The following MCTP1 variants were observed in gnomAD, a reference collection of about 807,000 sequenced individuals.
The protein encoded by MCTP1 is multiple C2 and transmembrane domain-containing protein 1.
In MCTP1, 69 loss-of-function variants were observed where a neutral mutation model predicts 120.6. The observed-to-expected ratio is 0.57, with a 90% CI of 0.47 to 0.70. The LOEUF (loss-of-function observed/expected upper bound fraction) is 0.70, where lower values mean the gene tolerates loss of function less well. Among genes scored for constraint, MCTP1 ranks in the 30% least tolerant of loss-of-function variants. The pLI, the probability that MCTP1 is intolerant of heterozygous loss-of-function variation, is 0.00. For synonymous variants in MCTP1, 529 were observed against 493.1 expected, an observed-to-expected ratio of 1.07 and a Z score of -0.96; for missense variants, 1,203 against 1,248.8, an observed-to-expected ratio of 0.96 and a Z score of 0.55.
intron 19 of MCTP1, among the ~76,000 whole-genome samples, chr5:94,765,827 AG>A (rs1219507808): frequency 3.3e-5 from 5 of 151,234 alleles, no homozygotes; most frequent in African/African-American, 9.8e-5. Flanking sequence ...ACTAGCCAAG[AG>A]GGGGAAAAAA....
intron 1 of MCTP1, among the ~76,000 whole-genome samples, chr5:95,184,634 C>T (rs925623386): frequency 1.3e-5 from 2 of 152,160 alleles, no homozygotes; most frequent in African/African-American, 2.4e-5. Flanking sequence ...TCTGCCTTTA[C>T]AGGACTAACA....
intron 20 of MCTP1, among the ~76,000 whole-genome samples, chr5:94,713,216 C>T (rs935260014): frequency 2.0e-5 from 3 of 151,802 alleles, no homozygotes; most frequent in Admixed American, 2.0e-4. Context: ...AGGAGAATTT[C>T]TTTTTTTTAG....
At chr5:94,915,863 C>A (rs1279215637) in intron 8 of MCTP1, among the ~76,000 whole-genome samples, 1 of 152,048 alleles carries the variant, frequency 6.6e-6, no homozygotes, top group African/African-American at 2.4e-5. Flanking sequence ...TTACCTACTG[C>A]CATTAGTTGC....
intron 19 of MCTP1, among the ~76,000 whole-genome samples, chr5:94,716,623 C>G (rs926513956): frequency 1.3e-5 from 2 of 152,066 alleles, no homozygotes; most frequent in Admixed American, 6.6e-5. Flanking sequence ...TTGAAGCATG[C>G]TGGTTGTACA....
intron 1 of MCTP1, among the ~76,000 whole-genome samples, chr5:95,076,397 A>C (rs1366380860): frequency 6.6e-6 from 1 of 152,062 alleles, no homozygotes; most frequent in African/African-American, 2.4e-5. Flanking sequence ...TAAACTTAGA[A>C]GTAATTGTTT....
intron 1 of MCTP1, among the ~76,000 whole-genome samples, chr5:95,163,618 A>G (rs554283447): frequency 6.6e-6 from 1 of 152,340 alleles, no homozygotes; most frequent in East Asian, 1.9e-4. Flanking sequence ...GAAATTTTGT[A>G]TGATTTGCTA....
At chr5:94,896,928 C>A (rs1342402192) in intron 10 of MCTP1, among the ~76,000 whole-genome samples, 1 of 152,122 alleles carries the variant, frequency 6.6e-6, no homozygotes. Context: ...GCAGAGCCCA[C>A]CTGAACCTGG....
chr5:95,226,083 G>A (rs900721018), intron 1 of MCTP1, among the ~76,000 whole-genome samples: 2 of 151,790 alleles, frequency 1.3e-5, no homozygotes, highest in African/African-American at 2.4e-5. Context: ...TGAGATTTTG[G>A]TGCACCCATC....
At position 94,734,585 on chromosome 5, in the gene MCTP1, G is replaced by A. The variant is rs568318519; in HGVS notation, c.2611-19699C>T. Among the ~76,000 whole-genome samples, 17 of 152,104 alleles carry A rather than the reference G, an allele frequency of 1.1e-4. No homozygotes were observed. In the South Asian group the frequency reaches 3.5e-3, roughly 32 times the overall value. On this transcript the variant is annotated intron_variant, in intron 19 of 22. Transcript: ENST00000515393. The stretch of plus-strand genomic sequence containing the variant: ...TAATCCTCCCACTTCAGCCTCCCAA[G>A]TAGCTGGGACTATAGGCTGTGCCAC...
chr5:94,919,164 T>C (rs984752724), intron 7 of MCTP1, among the ~76,000 whole-genome samples: 4 of 152,208 alleles, frequency 2.6e-5, no homozygotes, highest in African/African-American at 9.6e-5. Flanking sequence ...AGGCGGGTGG[T>C]AATAACCCTA....
intron 2 of MCTP1, among the ~76,000 whole-genome samples, chr5:94,999,259 T>G (rs1833187615): frequency 6.6e-6 from 1 of 152,204 alleles, no homozygotes; most frequent in Non-Finnish European, 1.5e-5. Context: ...GAAGTCTTAA[T>G]ATGGAAAACC....
intron 2 of MCTP1, among the ~76,000 whole-genome samples, chr5:94,995,738 G>T (rs1832499611): frequency 6.6e-6 from 1 of 152,104 alleles, no homozygotes; most frequent in Non-Finnish European, 1.5e-5. Context: ...ATTTTGATTG[G>T]TTTTTGAGAT....
intron 1 of MCTP1, among the ~76,000 whole-genome samples, chr5:95,087,527 T>C (rs1755522873): frequency 6.6e-6 from 1 of 152,186 alleles, no homozygotes; most frequent in African/African-American, 2.4e-5. Flanking sequence ...TCTCTGGATT[T>C]TTTCAAGAAA....
chr5:94,903,048 G>T (rs1189673564), intron 10 of MCTP1, among the ~76,000 whole-genome samples: 3 of 152,020 alleles, frequency 2.0e-5, no homozygotes, highest in African/African-American at 7.2e-5. Flanking sequence ...ATTTTGTTTA[G>T]GTTGAGTTTA....
intron 17 of MCTP1, among the ~76,000 whole-genome samples, chr5:94,847,766 C>T (rs895421133): frequency 1.3e-4 from 19 of 151,430 alleles, no homozygotes; most frequent in African/African-American, 4.1e-4. Flanking sequence ...AAGTTCATCA[C>T]CCCTCAGTGT....
At chr5:94,768,426 C>G (rs1773302007) in intron 19 of MCTP1, among the ~76,000 whole-genome samples, 1 of 151,920 alleles carries the variant, frequency 6.6e-6, no homozygotes, top group Non-Finnish European at 1.5e-5. Context: ...GACTAAACAG[C>G]TTCTGCACAG....
At chr5:94,998,221 G>A (rs1434902068) in intron 2 of MCTP1, among the ~76,000 whole-genome samples, 1 of 152,146 alleles carries the variant, frequency 6.6e-6, no homozygotes, top group East Asian at 1.9e-4. Flanking sequence ...GAATAATACA[G>A]GTTTGATATG....
rs1797805289 is a variant in MCTP1, at chr5:94,871,259, T to TG, written c.2139+55_2139+56insC. 6 of 1,088,830 alleles carry TG rather than the reference T, an allele frequency of 5.5e-6. 1 individual carries two copies. The highest frequency in any genetic ancestry group is 3.9e-5 in the Admixed American group (2 of 51,768). The allele number at this position is 1,088,830 out of a possible 1,614,324, so 67.4% of individuals were successfully genotyped here. On this transcript the variant is annotated intron_variant, in intron 14 of 22. Coordinates refer to ENST00000515393, the MANE Select transcript of MCTP1 (RefSeq NM_024717.7). ...AGCTGAGAGTTTTCTTTTCTTTTTT[T>TG]TTTTTTCCGTGAGCAAAAGCAACAC...
intron 1 of MCTP1, among the ~76,000 whole-genome samples, chr5:95,238,172 G>C (rs1487432320): frequency 6.6e-6 from 1 of 152,096 alleles, no homozygotes; most frequent in African/African-American, 2.4e-5. Flanking sequence ...TTCCCATGCC[G>C]GTCTCCTTGG....
Sources: allele counts gnomAD v4.1 joint callset (sites outside exome capture counted in the v4.1 genomes callset), GRCh38; gene constraint gnomAD v4.1.1; transcripts MANE v1.5; gene names NCBI Gene and HGNC (gene_info 2026-07-23, HGNC 2026-07-21).